The following PC variants were observed in gnomAD, a reference collection of about 807,000 sequenced individuals.
PC encodes pyruvate carboxylase, mitochondrial.
In PC, 46 loss-of-function variants were observed where a neutral mutation model predicts 107.8. The ratio of observed to expected loss-of-function variants is 0.43; its 90% confidence interval spans 0.34 to 0.55. The LOEUF (loss-of-function observed/expected upper bound fraction) is 0.55, where lower values mean the gene tolerates loss of function less well. Among genes scored for constraint, PC ranks in the 20% least tolerant of loss-of-function variants. PC has a pLI of 0.04. For synonymous variants in PC, 662 were observed against 684.7 expected, an observed-to-expected ratio of 0.97 and a Z score of 0.52; for missense variants, 1,241 against 1,643.1, an observed-to-expected ratio of 0.76 and a Z score of 4.23.
chr11:66,861,502 G>A (rs960681191), intron 12 of PC, among the ~76,000 whole-genome samples: 33 of 152,256 alleles, frequency 2.2e-4, no homozygotes, highest in Non-Finnish European at 4.0e-4. Flanking sequence ...TGGCTCACAC[G>A]CGTGTGCCTG....
rs571832653 is a variant in PC at position 66,901,188 on chromosome 11, T to A, written c.1-29029A>T. Among the ~76,000 whole-genome samples the A allele has an allele frequency of 2.0e-5, 3 of 152,186 alleles. No homozygotes were observed. The South Asian group carries it at 6.2e-4, about 32-fold the overall frequency. On this transcript the variant is annotated intron_variant, in intron 3 of 22. Transcript: ENST00000393960. ...CTACCTGGTTGGCGGCCTCCCTGTA[T>A]GCCCTTCTCTGGACCCAGCGGGGCT...
intron 1 of PC, chr11:66,958,085 C>CG (rs1479444477): frequency 7.8e-6 from 1 of 128,638 alleles, no homozygotes; most frequent in Non-Finnish European, 1.7e-5. Context: ...GGGGCGGGTC[C>CG]GGGGGCGGGT....
chr11:66,870,149 T>C lies in PC; in HGVS notation c.903+153A>G, dbSNP rs1274695631. 6.6e-6 allele frequency among the ~76,000 whole-genome samples: 1 copy of C among 152,044 alleles called. No homozygotes were observed. Among genetic ancestry groups the C allele is most frequent in the African/African-American group, 2.4e-5 (1 of 41,390 alleles). On this transcript the variant is annotated intron_variant, in intron 9 of 22. Transcript: ENST00000393960. The surrounding 1 kb of genome is among the most constrained non-coding windows in gnomAD (Gnocchi z 6.1). ...ATGGGAAGGATGCCACAAACCCACT[T>C]CTGGCCCCCAGGAGAGTCCTTCACC...
chr11:66,876,464 C>T (rs1160638492), intron 3 of PC, among the ~76,000 whole-genome samples: 1 of 152,220 alleles, frequency 6.6e-6, no homozygotes, highest in African/African-American at 2.4e-5. Flanking sequence ...GTGAAAAGAA[C>T]CATACCCACC....
Position 66,850,537 on chromosome 11 carries a change from C to T in PC, c.2474-73G>A, listed in dbSNP as rs150469468. 2,875 of 1,609,588 alleles carry T rather than the reference C, an allele frequency of 1.8e-3. 4 individuals are homozygous for T. Among genetic ancestry groups the T allele is most frequent in the Non-Finnish European group, 2.3e-3 (2,656 of 1,179,312 alleles). ...TCCAGGACCCAGGGCTAGCTCAGGT[C>T]CCATGTCTGACTCAGGTGACAGAAG... On this transcript the variant is annotated intron_variant, in intron 18 of 22. Transcript: ENST00000393960.
intron 3 of PC, among the ~76,000 whole-genome samples, chr11:66,950,870 T>C (rs1450070899): frequency 1.3e-5 from 2 of 152,024 alleles, no homozygotes; most frequent in Non-Finnish European, 2.9e-5. Context: ...CACCTCTCAT[T>C]GTAGGGATGC....
At chr11:66,898,303 C>T (rs116632221) in intron 3 of PC, among the ~76,000 whole-genome samples, 1,780 of 152,264 alleles carry the variant, frequency 0.012, 39 homozygotes, top group African/African-American at 0.04. Flanking sequence ...TAGCCGACTG[C>T]GCTGCCCTTC....
In PC at chr11:66,906,378, C is replaced by G. The variant is rs571862396; in HGVS notation, c.1-34219G>C. Among the ~76,000 whole-genome samples the G allele has an allele frequency of 2.0e-5, 3 of 152,242 alleles. No individual in the cohort carries two copies. In the East Asian group the frequency reaches 5.8e-4, roughly 29 times the overall value. On this transcript the variant is annotated intron_variant, in intron 3 of 22. Transcript: ENST00000393960. ...AACAAGACCAAAGATCCATCCTGAT[C>G]GGTAAGTACTGTCTCCTGGCCTCAG...
rs573859071 is a variant in PC, at chr11:66,854,518, C to T, written c.1369-1135G>A. Among the ~76,000 whole-genome samples the T allele has an allele frequency of 7.2e-5, 11 of 152,340 alleles. No individual in the cohort carries two copies. The East Asian group carries it at 2.1e-3, about 29-fold the overall frequency. ...CACTCATTAAATGCCTGGGTGACAA[C>T]ATGAGGCTGGGCCAGGGTGAGTATG... On this transcript the variant is annotated intron_variant, in intron 12 of 22. Coordinates refer to ENST00000393960, the MANE Select transcript of PC (RefSeq NM_001040716.2).
At chr11:66,914,952 C>T (rs1382268356) in intron 3 of PC, among the ~76,000 whole-genome samples, 4 of 152,080 alleles carry the variant, frequency 2.6e-5, no homozygotes. Context: ...GTCACTTGAG[C>T]CTGGGGGAGT....
chr11:66,919,741 T>A (rs1319558804), intron 3 of PC: 1 of 152,146 alleles, frequency 6.6e-6, no homozygotes, highest in Admixed American at 6.5e-5. Context: ...TTGCATGAAG[T>A]CAGAACTGAA....
intron 3 of PC, among the ~76,000 whole-genome samples, chr11:66,945,227 T>C (rs1949254817): frequency 8.5e-6 from 1 of 117,578 alleles, no homozygotes; most frequent in African/African-American, 3.0e-5. Flanking sequence ...CTCAGAAGAC[T>C]GGGACTCAAA....
At chr11:66,909,796 C>T (rs931916066) in intron 3 of PC, among the ~76,000 whole-genome samples, 6 of 152,082 alleles carry the variant, frequency 3.9e-5, no homozygotes, top group Non-Finnish European at 8.8e-5. Flanking sequence ...GACTCACAGA[C>T]AAGGTGAGTG....
Position 66,871,918 on chromosome 11 carries a change from A to G in PC, c.137-47T>C. 6.3e-7 allele frequency: 1 copy of G among 1,589,890 alleles called. No individual in the cohort carries two copies. The highest frequency in any genetic ancestry group is 8.5e-7 in the Non-Finnish European group (1 of 1,169,872). On this transcript the variant is annotated intron_variant, in intron 4 of 22. Transcript: ENST00000393960. This position sits in a 1 kb window ranked among gnomAD's most constrained non-coding sequence, Gnocchi z 7.4. Reference sequence around the variant, plus strand: ...AGTTAGATTCCTAGGTCCTAGGAGAAGCAGAAAGGGGAGTGGGAAGCCAGG... The same window carrying G: ...AGTTAGATTCCTAGGTCCTAGGAGAGGCAGAAAGGGGAGTGGGAAGCCAGG...
At chr11:66,889,119 A>G (rs1947474395) in intron 3 of PC, among the ~76,000 whole-genome samples, 2 of 152,156 alleles carry the variant, frequency 1.3e-5, no homozygotes, top group South Asian at 2.1e-4. Context: ...AATGTACTTA[A>G]AAGTGTTTCT....
chr11:66,910,171 G>C (rs922988786), intron 3 of PC, among the ~76,000 whole-genome samples: 3 of 152,140 alleles, frequency 2.0e-5, no homozygotes, highest in Non-Finnish European at 4.4e-5. Context: ...CCTGGCGAAC[G>C]AGTCGCTCAC....
intron 3 of PC, among the ~76,000 whole-genome samples, chr11:66,884,642 G>A (rs1236169912): frequency 2.0e-5 from 3 of 152,124 alleles, no homozygotes; most frequent in Non-Finnish European, 2.9e-5. Context: ...AATGCAGAGC[G>A]TGCCTGTGCC....
intron 1 of PC, among the ~76,000 whole-genome samples, chr11:66,955,854 C>A (rs1400655545): frequency 2.0e-5 from 3 of 151,822 alleles, no homozygotes; most frequent in Non-Finnish European, 4.4e-5. Flanking sequence ...CTTACTGCAA[C>A]CTTCAACTCC....
rs1312545730 is a variant in PC, at chr11:66,851,290, TGA to T, written c.1983-12_1983-11del. 6 of 1,599,698 alleles carry T rather than the reference TGA, an allele frequency of 3.8e-6. No individual in the cohort carries two copies. The highest frequency in any genetic ancestry group is 4.2e-6 in the Non-Finnish European group (5 of 1,179,912). On this transcript the variant is annotated splice_polypyrimidine_tract_variant and intron_variant, in intron 16 of 22. Transcript: ENST00000393960. ...GGCCACTTCACAGAACCTGCAAGGG[TGA>T]GAGAGCCCAGGGCTGAGCCCCACCC...
Sources: gnomAD v4.1 joint callset for allele counts (sites outside exome capture counted in the v4.1 genomes callset) on GRCh38, gnomAD v4.1.1 for gene constraint, Gnocchi (gnomAD v3.1) non-coding constraint, MANE v1.5 for transcripts, NCBI Gene and HGNC (gene_info 2026-07-23, HGNC 2026-07-21) for gene names.